Variants in IRAK2 observed in about 807,000 individuals in gnomAD.
IRAK2 encodes interleukin-1 receptor-associated kinase-like 2.
Under a neutral mutation model 72.0 loss-of-function variants are expected in IRAK2, and 57 were observed. That is an observed-to-expected ratio of 0.79 (90% CI 0.64 to 0.99). The LOEUF is 0.99. IRAK2 is among the 50% of genes least tolerant of loss of function. The pLI is 0.00. For missense variants in IRAK2, 790 were observed against 794.4 expected, an observed-to-expected ratio of 0.99 and a Z score of 0.07; for synonymous variants, 293 against 312.7, an observed-to-expected ratio of 0.94 and a Z score of 0.67.
chr3:10,206,173 C>T (rs1432115027), intron 3 of IRAK2, among the ~76,000 whole-genome samples: 1 of 152,232 alleles, frequency 6.6e-6, no homozygotes, highest in Non-Finnish European at 1.5e-5. Context: ...TGGGCACTTG[C>T]TGGCCTGCCT....
chr3:10,176,742 G>T (rs1696881940), intron 1 of IRAK2, among the ~76,000 whole-genome samples: 1 of 151,910 alleles, frequency 6.6e-6, no homozygotes, highest in African/African-American at 2.4e-5. Context: ...CTTCCAAAGT[G>T]CTGGGATTAC....
chr3:10,195,996 C>A (rs1237692650), intron 2 of IRAK2, among the ~76,000 whole-genome samples: 1 of 152,150 alleles, frequency 6.6e-6, no homozygotes, highest in African/African-American at 2.4e-5. Context: ...TCCAAGGGAG[C>A]ACAGGCAGAG....
chr3:10,222,863 C>T, intron 9 of IRAK2, 32 bp downstream of exon 9: 3 of 1,588,880 alleles, frequency 1.9e-6, no homozygotes, highest in Non-Finnish European at 2.6e-6. Flanking sequence ...TAGAGTGGGG[C>T]CCACCTTGAT....
chr3:10,202,338 A>G (rs1697371645), intron 3 of IRAK2, among the ~76,000 whole-genome samples: 1 of 152,198 alleles, frequency 6.6e-6, no homozygotes, highest in Non-Finnish European at 1.5e-5. Context: ...TAAACATCAC[A>G]GCCAGCCGGG....
intron 1 of IRAK2, among the ~76,000 whole-genome samples, chr3:10,173,824 GA>G (rs1457554879): frequency 6.6e-6 from 1 of 151,972 alleles, no homozygotes; most frequent in African/African-American, 2.4e-5. Context: ...GACTCCGTCT[GA>G]AAAAAACTAA....
At chr3:10,215,697 A>G (rs1474813782) in intron 6 of IRAK2, among the ~76,000 whole-genome samples, 1 of 151,726 alleles carries the variant, frequency 6.6e-6, no homozygotes, top group African/African-American at 2.4e-5. Flanking sequence ...ATATTTTGAT[A>G]TGTTTTCTTT....
At chr3:10,220,698 C>T (rs997385880) in intron 8 of IRAK2, among the ~76,000 whole-genome samples, 3 of 152,106 alleles carry the variant, frequency 2.0e-5, no homozygotes, top group African/African-American at 7.2e-5. Flanking sequence ...GCCTTGGTCT[C>T]CTATAGTGCT....
At chr3:10,241,108 G>C (rs191837719) in intron 12 of IRAK2, among the ~76,000 whole-genome samples, 178 of 151,818 alleles carry the variant, frequency 1.2e-3, no homozygotes, top group Non-Finnish European at 1.5e-3. Context: ...AAAGACAGAG[G>C]AGATGAAAAT....
chr3:10,219,607 C>T lies in IRAK2; in HGVS notation c.904-73C>T, dbSNP rs1417854840. ...TGCTGGGATTACAGGTGTGAGCCAC[C>T]GCACCTGGCTGCCATCAGGACTTTA... On this transcript the variant is annotated intron_variant, in intron 7 of 12. Transcript: ENST00000256458. 49 of 1,112,246 alleles carry T rather than the reference C, an allele frequency of 4.4e-5. 2 individuals are homozygous for T. The South Asian group carries it at 5.3e-4, about 12-fold the overall frequency. 68.9% of individuals were successfully genotyped at this position (1,112,246 alleles called of 1,614,324 possible). A position where few individuals can be genotyped will look rare whatever the true frequency, so the allele number is the denominator to read the frequency against.
chr3:10,195,056 G>C (rs866851941), intron 2 of IRAK2, among the ~76,000 whole-genome samples: 2 of 152,112 alleles, frequency 1.3e-5, no homozygotes, highest in Admixed American at 6.6e-5. Flanking sequence ...TGCCAGGTGG[G>C]GCCACCGCAT....
intron 6 of IRAK2, among the ~76,000 whole-genome samples, chr3:10,215,961 G>C (rs1201899909): frequency 6.6e-6 from 1 of 152,202 alleles, no homozygotes; most frequent in Non-Finnish European, 1.5e-5. Flanking sequence ...GCCTTGGGGA[G>C]GTTTATGGTC....
At chr3:10,188,397 C>T (rs1357146215) in intron 2 of IRAK2, among the ~76,000 whole-genome samples, 4 of 152,232 alleles carry the variant, frequency 2.6e-5, no homozygotes, top group Non-Finnish European at 4.4e-5. Flanking sequence ...TGCCATGGCT[C>T]GATCTCGGCT....
intron 2 of IRAK2, among the ~76,000 whole-genome samples, chr3:10,184,931 G>GT (rs1184732159): frequency 2.0e-5 from 3 of 150,398 alleles, no homozygotes; most frequent in East Asian, 2.0e-4. Flanking sequence ...TAGAGACGGG[G>GT]TTTCACCGTG....
In IRAK2 at chr3:10,195,850, A is replaced by G. The variant is rs559932954; in HGVS notation, c.278-4519A>G. Among the ~76,000 whole-genome samples the G allele has an allele frequency of 1.1e-4, 17 of 152,284 alleles. No homozygotes were observed. The East Asian group carries it at 3.1e-3, about 28-fold the overall frequency. On this transcript the variant is annotated intron_variant, in intron 2 of 12. Coordinates refer to ENST00000256458, the MANE Select transcript of IRAK2 (RefSeq NM_001570.4). ...CCCTTTTGACACAGATGTCACAAGG[A>G]TGACAAGCCTTTCCAGGAGCATAAG...
chr3:10,185,527 C>T (rs1697061042), intron 2 of IRAK2, among the ~76,000 whole-genome samples: 1 of 136,246 alleles, frequency 7.3e-6, no homozygotes, highest in Admixed American at 7.9e-5. Context: ...CATTGTACTC[C>T]AGCCTGGGCA....
At chr3:10,169,300 C>T (rs527532789) in intron 1 of IRAK2, among the ~76,000 whole-genome samples, 16 of 152,256 alleles carry the variant, frequency 1.1e-4, no homozygotes, top group African/African-American at 3.9e-4. Flanking sequence ...AGCAGACAAC[C>T]CGTCTGACTA....
At chr3:10,190,465 A>G (rs1444433078) in intron 2 of IRAK2, among the ~76,000 whole-genome samples, 6 of 151,586 alleles carry the variant, frequency 4.0e-5, no homozygotes, top group Non-Finnish European at 5.9e-5. Flanking sequence ...CTTAAAGTTA[A>G]TTGCTGAGTG....
intron 2 of IRAK2, among the ~76,000 whole-genome samples, chr3:10,197,708 C>T (rs1035912104): frequency 3.4e-4 from 50 of 148,006 alleles, no homozygotes; most frequent in Non-Finnish European, 5.7e-4. Flanking sequence ...AAAAATTAGC[C>T]GGGTGTGGTG....
Position 10,234,551 on chromosome 3 carries a change from C to G in IRAK2, c.1365C>G (p.Cys455Trp). 1.2e-6 allele frequency: 2 copies of G among 1,614,122 alleles called. No homozygotes were observed. Among genetic ancestry groups the G allele is most frequent in the African/African-American group, 2.7e-5 (2 of 75,076 alleles). ...AGAACGTGATGGCAAAGGAGATCTG[C>G]CAGAAGTACCTGGAGAAGGGCGCAG... ...GVENVMAKEI[C>W]QKYLEKGAGR... The change falls in exon 11 of 13, where the codon TGC becomes TGG. Residue 455 changes from cysteine to tryptophan, a missense_variant. Coordinates refer to ENST00000256458, the MANE Select transcript of IRAK2 (RefSeq NM_001570.4).
Sources: gnomAD v4.1 joint callset for allele counts (sites outside exome capture counted in the v4.1 genomes callset) on GRCh38, gnomAD v4.1.1 for gene constraint, MANE v1.5 for transcripts, NCBI Gene and HGNC (gene_info 2026-07-23, HGNC 2026-07-21) for gene names.